Variants in DEPDC4 observed in about 807,000 individuals in gnomAD.
DEPDC4 encodes DEP domain containing 4.
DEPDC4 carries 52 observed loss-of-function variants against 52.0 expected under a neutral mutation model. The observed-to-expected ratio is 1.00, with a 90% CI of 0.80 to 1.26. DEPDC4 has a LOEUF of 1.26. Among genes scored for constraint, DEPDC4 ranks in the 50% most tolerant of loss-of-function variants. The pLI is 0.00. For missense variants in DEPDC4, 530 were observed against 546.9 expected (o/e 0.97, Z 0.31); for synonymous variants, 201 against 196.8 (o/e 1.02, Z -0.18).
At chr12:100,265,897 G>A (rs918409492) in intron 1 of DEPDC4, among the ~76,000 whole-genome samples, 7 of 152,146 alleles carry the variant, frequency 4.6e-5, no homozygotes, top group Non-Finnish European at 1.0e-4. Context: ...TGTAATGGTG[G>A]CTGATGAAAG....
At position 100,266,969 on chromosome 12, in the gene DEPDC4, C is replaced by T. The variant is rs1566333097; in HGVS notation, c.108G>A (p.Gly36=). 2 of 1,613,892 alleles carry T rather than the reference C, an allele frequency of 1.2e-6. No homozygotes were observed. Among genetic ancestry groups the T allele is most frequent in the East Asian group, 2.2e-5 (1 of 44,880 alleles). The change falls in exon 1 of 10, where the codon GGG becomes GGA. Residue 36 remains glycine, a synonymous_variant. Coordinates refer to ENST00000550587, the MANE Select transcript of DEPDC4 (RefSeq NM_001364818.2). ...CATCTCTACGGTTCCTGGAACTTGG[C>T]CCGTTCAGCCCTGGGCCCGGAAGCT... ...QNELPGPGLN[G]PSSRNRRDGF...
At chr12:100,260,405 G>A (rs1012926008) in intron 3 of DEPDC4, among the ~76,000 whole-genome samples, 3 of 151,684 alleles carry the variant, frequency 2.0e-5, no homozygotes, top group African/African-American at 7.3e-5. Flanking sequence ...ACAGGCGTGA[G>A]CCACCGTGCC....
In DEPDC4 at chr12:100,254,514, CG is replaced by C. The variant is rs572447485; in HGVS notation, c.879-800del. Among the ~76,000 whole-genome samples the C allele has an allele frequency of 5.7e-4, 86 of 151,678 alleles. 1 individual carries two copies. The South Asian group carries it at 0.011, about 20-fold the overall frequency. On this transcript the variant is annotated intron_variant, in intron 4 of 9. Transcript: ENST00000550587. Reference sequence around the variant, plus strand: ...CTAATTTTTGTATTTTGCATAGAGACGGGGTTTTACTATGGTTGCTCAGGCT... The same window carrying C: ...CTAATTTTTGTATTTTGCATAGAGACGGGTTTTACTATGGTTGCTCAGGCT...
In DEPDC4 at chr12:100,250,638, T is replaced by C. The variant is rs1393566462; in HGVS notation, c.1374+1538A>G. Among the ~76,000 whole-genome samples, 4 of 152,218 alleles carry C rather than the reference T, an allele frequency of 2.6e-5. No individual in the cohort carries two copies. In the East Asian group the frequency reaches 5.8e-4, roughly 22 times the overall value. On this transcript the variant is annotated intron_variant, in intron 7 of 9. Transcript: ENST00000550587. ...TGTAGGAAAGAGGCAGATTCATTTA[T>C]GTAGAGGAGGGGGTAGAGTGAGAAA...
At chr12:100,267,105 G>A, upstream of DEPDC4, 2 of 1,608,906 alleles carry the variant, frequency 1.2e-6, no homozygotes, top group South Asian at 1.1e-5. Flanking sequence ...ACCCGGGGCG[G>A]AGAGAAGTAC....
Position 100,240,209 on chromosome 12 carries a change from C to G in DEPDC4, c.*1683G>C, listed in dbSNP as rs749637938. 6.6e-6 allele frequency among the ~76,000 whole-genome samples: 1 copy of G among 151,624 alleles called. No homozygotes were observed. Among genetic ancestry groups the G allele is most frequent in the Non-Finnish European group, 1.5e-5 (1 of 67,926 alleles). On this transcript the variant is annotated 3_prime_UTR_variant, in exon 10 of 10. Transcript: ENST00000550587. ...TTCCTTTATTGCCCAGGCTGCAGTA[C>G]AGTGGTGCAATCATAGCTCACTGCA...
At chr12:100,239,707 C>A (rs1036512937), downstream of DEPDC4, among the ~76,000 whole-genome samples, 1 of 151,636 alleles carries the variant, frequency 6.6e-6, no homozygotes, top group Admixed American at 6.6e-5. Context: ...TTTTTTTCCC[C>A]GCAAGACAGG....
At chr12:100,242,645 A>G (rs1299539959) in intron 8 of DEPDC4, 76 bp from the exon 9 acceptor site, 2 of 154,778 alleles carry the variant, frequency 1.3e-5, no homozygotes, top group Non-Finnish European at 2.9e-5. Context: ...AGGGTTGTCC[A>G]TTACTGGGGC....
At chr12:100,241,866 C>CAAA in intron 9 of DEPDC4, 21 bp from the exon 10 acceptor site, 1 of 906,540 alleles carries the variant, frequency 1.1e-6, no homozygotes, top group Non-Finnish European at 1.4e-6. Context: ...AAAAAAAAAA[C>CAAA]AAAAGAAAAA....
upstream of DEPDC4, among the ~76,000 whole-genome samples, chr12:100,271,384 A>G (rs2096287537): frequency 6.6e-6 from 1 of 152,054 alleles, no homozygotes; most frequent in South Asian, 2.1e-4. Context: ...GATTTTGTGA[A>G]GTATTTAACC....
At chr12:100,234,449 G>T (rs762648361) in intron 9 of DEPDC4, among the ~76,000 whole-genome samples, 9 of 152,168 alleles carry the variant, frequency 5.9e-5, no homozygotes, top group Non-Finnish European at 1.2e-4. Context: ...ATAACCTTTG[G>T]GGAATGATGA....
At chr12:100,244,439 C>T (rs1454493982) in intron 8 of DEPDC4, among the ~76,000 whole-genome samples, 3 of 151,634 alleles carry the variant, frequency 2.0e-5, no homozygotes, top group African/African-American at 7.3e-5. Context: ...CCTCGGCCTC[C>T]CAAAGTGCTG....
At position 100,247,341 on chromosome 12, in the gene DEPDC4, G is replaced by A. The variant is rs143035194; in HGVS notation, c.1453+1559C>T. Among the ~76,000 whole-genome samples, 813 of 151,268 alleles carry A rather than the reference G, an allele frequency of 5.4e-3. 9 individuals carry two copies. The highest frequency in any genetic ancestry group is 0.019 in the African/African-American group (775 of 41,230). On this transcript the variant is annotated intron_variant, in intron 8 of 9. Coordinates refer to ENST00000550587, the MANE Select transcript of DEPDC4 (RefSeq NM_001364818.2). ...CTGCCTCAGCCTCCCAAGTAGCTTGGATTACAGGCATGCACCACCACACCT... is the reference window on the plus strand; with the variant it reads ...CTGCCTCAGCCTCCCAAGTAGCTTGAATTACAGGCATGCACCACCACACCT...
At chr12:100,257,625 T>G (rs1353864355) in intron 3 of DEPDC4, 4 of 152,256 alleles carry the variant, frequency 2.6e-5, no homozygotes, top group African/African-American at 9.7e-5. Flanking sequence ...TCTGCCTGCC[T>G]TGGCCTCCCA....
upstream of DEPDC4, among the ~76,000 whole-genome samples, chr12:100,268,794 T>C (rs185426910): frequency 3.3e-4 from 50 of 152,328 alleles, no homozygotes; most frequent in African/African-American, 1.2e-3. Flanking sequence ...TAGCTCCTCT[T>C]ACTGTGTTTA....
chr12:100,235,096 T>C (rs2096139427), downstream of DEPDC4, among the ~76,000 whole-genome samples: 1 of 151,970 alleles, frequency 6.6e-6, no homozygotes, highest in Non-Finnish European at 1.5e-5. Context: ...CACATACATA[T>C]ACATATATAT....
Position 100,263,823 on chromosome 12 carries a change from T to C in DEPDC4, c.228A>G (p.Glu76=). The C allele has an allele frequency of 6.2e-7, 1 of 1,614,188 alleles. No homozygotes were observed. The highest frequency in any genetic ancestry group is 8.5e-7 in the Non-Finnish European group (1 of 1,180,024). The change falls in exon 2 of 10, where the codon GAA becomes GAG. Residue 76 remains glutamate (E), a synonymous_variant. Coordinates refer to ENST00000550587, the MANE Select transcript of DEPDC4 (RefSeq NM_001364818.2). The part of the protein sequence containing the change: ...GIIHSLQAQV[E]IKRRRHHLQT... ...GTAAATGATGCCTCCTTCTTTTTAT[T>C]TCCACTTGGGCCTGAAGAGAGTGAA...
the DEPDC4 span, among the ~76,000 whole-genome samples, chr12:100,274,184 G>A: frequency 1.6e-4 from 25 of 152,240 alleles, no homozygotes; most frequent in Admixed American, 1.5e-3. Context: ...GTATAATTTC[G>A]TTAATAGAGA....
Position 100,262,354 on chromosome 12 carries a change from T to C in DEPDC4, c.610A>G (p.Ile204Val). Reference protein sequence around the residue: ...PLAQEIGEERIEELIHTINGN... With the variant: ...PLAQEIGEERVEELIHTINGN... ...TTTATTGTATGAATAAGTTCCTCAATTCTTTCCTCACCAATCTCCTGTGCT... is the reference window on the plus strand; with the variant it reads ...TTTATTGTATGAATAAGTTCCTCAACTCTTTCCTCACCAATCTCCTGTGCT... The change falls in exon 3 of 10, where the codon ATT becomes GTT. Residue 204 changes from isoleucine to valine, a missense_variant. By Grantham distance (29) the Ile-to-Val change is conservative. Coordinates refer to ENST00000550587, the MANE Select transcript of DEPDC4 (RefSeq NM_001364818.2). 4 of 1,613,452 alleles carry C rather than the reference T, an allele frequency of 2.5e-6. No individual in the cohort carries two copies. Among genetic ancestry groups the C allele is most frequent in the Non-Finnish European group, 3.4e-6 (4 of 1,179,750 alleles).
Sources: gnomAD v4.1 joint callset for allele counts (sites outside exome capture counted in the v4.1 genomes callset) on GRCh38, gnomAD v4.1.1 for gene constraint, MANE v1.5 for transcripts, NCBI Gene and HGNC (gene_info 2026-07-23, HGNC 2026-07-21) for gene names.